Variants in PRKCB observed in about 807,000 individuals in gnomAD.
PRKCB encodes the protein protein kinase C beta.
PRKCB carries 13 observed loss-of-function variants against 81.5 expected under a neutral mutation model. That is an observed-to-expected ratio of 0.16 (90% CI 0.10 to 0.25). PRKCB has a LOEUF of 0.25. PRKCB is among the 10% of genes least tolerant of loss of function. The probability of loss-of-function intolerance (pLI) is 1.00; values close to 1 mark genes in which losing one functional copy is unlikely to be tolerated. For synonymous variants in PRKCB, 335 were observed against 321.4 expected (o/e 1.04, Z -0.45); for missense variants, 509 against 875.7 (o/e 0.58, Z 5.29).
chr16:24,181,030 G>A (rs552061577), intron 13 of PRKCB, 102 bp downstream of exon 13: 1 of 1,420,638 alleles, frequency 7.0e-7, no homozygotes, highest in African/African-American at 1.4e-5. Flanking sequence ...ACCTTGCAAG[G>A]GAACCTCGGA....
chr16:23,926,109 T>C (rs7193905), intron 2 of PRKCB, among the ~76,000 whole-genome samples: 3,283 of 151,926 alleles, frequency 0.022, 127 homozygotes, highest in African/African-American at 0.075. Flanking sequence ...ACTCCGGCTC[T>C]ATAAAAATTA....
At chr16:23,841,503 T>C (rs746849025) in intron 2 of PRKCB, among the ~76,000 whole-genome samples, 21 of 152,068 alleles carry the variant, frequency 1.4e-4, no homozygotes, top group Non-Finnish European at 2.6e-4. Flanking sequence ...AATTTTGTTT[T>C]TAGAGACAGG....
chr16:23,936,149 T>G lies in PRKCB; in HGVS notation c.206-52359T>G, dbSNP rs796663853. 2.0e-5 allele frequency among the ~76,000 whole-genome samples: 3 copies of G among 152,118 alleles called. No individual in the cohort carries two copies. The South Asian group carries it at 6.2e-4, about 31-fold the overall frequency. ...GAAATCTTTTCCTTCACCCCCTTTGTTGTCACACAAAAGATGACATACTGC... is the reference window on the plus strand; with the variant it reads ...GAAATCTTTTCCTTCACCCCCTTTGGTGTCACACAAAAGATGACATACTGC... On this transcript the variant is annotated intron_variant, in intron 2 of 16. Transcript: ENST00000643927.
At chr16:24,109,452 T>A (rs1966641605) in intron 7 of PRKCB, among the ~76,000 whole-genome samples, 1 of 105,128 alleles carries the variant, frequency 9.5e-6, no homozygotes, top group Non-Finnish European at 1.8e-5. Flanking sequence ...GCAGAGGTGC[T>A]CCTCACATCC....
intron 9 of PRKCB, among the ~76,000 whole-genome samples, chr16:24,144,739 C>T (rs139703559): frequency 0.011 from 1,604 of 152,324 alleles, 11 homozygotes; most frequent in Middle Eastern, 0.024. Flanking sequence ...TTAAACAATG[C>T]TGACACCCAA....
intron 2 of PRKCB, among the ~76,000 whole-genome samples, chr16:23,880,209 G>C (rs970727622): frequency 1.3e-5 from 2 of 152,092 alleles, no homozygotes; most frequent in African/African-American, 4.8e-5. Flanking sequence ...CTCACCTCTT[G>C]TGCTCACACA....
chr16:23,885,335 G>A (rs562812223), intron 2 of PRKCB, among the ~76,000 whole-genome samples: 10 of 152,116 alleles, frequency 6.6e-5, no homozygotes, highest in African/African-American at 2.2e-4. Flanking sequence ...TTGAGACGGA[G>A]TCTTGCTCTG....
At chr16:24,108,965 G>T (rs1292996573) in intron 7 of PRKCB, among the ~76,000 whole-genome samples, 45 of 125,706 alleles carry the variant, frequency 3.6e-4, no homozygotes, top group African/African-American at 1.4e-3. Context: ...GGATGGGGGG[G>T]CTGGCCGGGC....
At chr16:23,937,501 A>G (rs1054691701) in intron 2 of PRKCB, among the ~76,000 whole-genome samples, 1 of 152,232 alleles carries the variant, frequency 6.6e-6, no homozygotes, top group East Asian at 1.9e-4. Context: ...TTGCCCTCAA[A>G]TGCCCATAGA....
chr16:24,032,075 G>A (rs1965557180), intron 3 of PRKCB, 61 bp from the exon 4 acceptor site: 3 of 1,228,944 alleles, frequency 2.4e-6, no homozygotes, highest in Admixed American at 1.7e-5. Context: ...TCTCGATGTA[G>A]GATGAACCGT....
chr16:23,988,955 G>A (rs987671369), intron 3 of PRKCB, among the ~76,000 whole-genome samples: 5 of 151,916 alleles, frequency 3.3e-5, no homozygotes, highest in African/African-American at 4.8e-5. Context: ...TTTTGTTATT[G>A]TTATTATTAT....
intron 7 of PRKCB, among the ~76,000 whole-genome samples, chr16:24,107,797 CG>C (rs138633052): frequency 0.016 from 2,437 of 152,216 alleles, 82 homozygotes; most frequent in African/African-American, 0.055. Context: ...TGGTCTCAGC[CG>C]GGGTCATTAT....
chr16:23,836,182 G>A lies in PRKCB; in HGVS notation c.7G>A (p.Asp3Asn). ...CCGGCTCCCCGCGCGCAAGATGGCT[G>A]ACCCGGCTGCGGGGCCGCCGCCGAG... MA[D>N]PAAGPPPSEG... is the part of the protein sequence containing the mutation. The change falls in exon 1 of 17, where the codon GAC (aspartate) becomes AAC (asparagine). Residue 3 changes from aspartate (D) to asparagine (N), a missense_variant. By Grantham distance (23) the Asp-to-Asn change is conservative. Around this residue, in one of 6 missense-constraint regions of PRKCB, gnomAD observed 33 missense variants for 21.9 expected, o/e 1.50. Transcript: ENST00000643927. 1 of 1,560,724 alleles carries A rather than the reference G, an allele frequency of 6.4e-7. No homozygotes were observed. The highest frequency in any genetic ancestry group is 2.6e-5 in the East Asian group (1 of 37,824).
chr16:24,172,370 G>T lies in PRKCB; in HGVS notation c.1331+9G>T, dbSNP rs1304796575. The T allele has an allele frequency of 5.6e-6, 9 of 1,611,686 alleles. No individual in the cohort carries two copies. In the South Asian group the frequency reaches 9.9e-5, roughly 18 times the overall value. On this transcript the variant is annotated intron_variant, in intron 11 of 16. Transcript: ENST00000643927. The stretch of plus-strand genomic sequence containing the variant: ...AAGGAGCCCCATGCTGTGTAAGTGA[G>T]AACTAGTGCTGTGCTTTCTCCTTGG...
At chr16:23,866,912 C>T (rs1214977714) in intron 2 of PRKCB, among the ~76,000 whole-genome samples, 1 of 151,492 alleles carries the variant, frequency 6.6e-6, no homozygotes, top group Non-Finnish European at 1.5e-5. Context: ...TTTCCTGTCC[C>T]CTTCTCTTCT....
intron 3 of PRKCB, among the ~76,000 whole-genome samples, chr16:23,997,945 G>A (rs1295944668): frequency 1.3e-5 from 2 of 152,188 alleles, no homozygotes; most frequent in African/African-American, 4.8e-5. Context: ...TGGGCTAAGG[G>A]GGGTACCCAG....
chr16:24,144,137 AAG>A (rs1301481156), intron 9 of PRKCB, among the ~76,000 whole-genome samples: 8 of 150,410 alleles, frequency 5.3e-5, no homozygotes, highest in African/African-American at 7.5e-5. Context: ...GAGAGAGAGA[AAG>A]AGAGAGAGAG....
At chr16:23,922,646 A>G (rs962170833) in intron 2 of PRKCB, among the ~76,000 whole-genome samples, 1 of 152,266 alleles carries the variant, frequency 6.6e-6, no homozygotes, top group Non-Finnish European at 1.5e-5. Context: ...TGATCTCTGC[A>G]GAAACTTCAG....
At chr16:24,027,355 G>C (rs1474208337) in intron 3 of PRKCB, among the ~76,000 whole-genome samples, 2 of 152,188 alleles carry the variant, frequency 1.3e-5, no homozygotes, top group Non-Finnish European at 2.9e-5. Flanking sequence ...GCACAGAGCA[G>C]GGGGACTCTG....
Sources: allele counts gnomAD v4.1 joint callset (sites outside exome capture counted in the v4.1 genomes callset), GRCh38; gene constraint gnomAD v4.1.1; regional missense constraint gnomAD v4.1.1; transcripts MANE v1.5; gene names NCBI Gene and HGNC (gene_info 2026-07-23, HGNC 2026-07-21).